PRICKLE2: variants seen among roughly 807,000 people sequenced by gnomAD.
The protein encoded by PRICKLE2 is prickle planar cell polarity protein 2.
PRICKLE2 carries 21 observed loss-of-function variants against 81.4 expected under a neutral mutation model. That is an observed-to-expected ratio of 0.26 (90% CI 0.18 to 0.37). PRICKLE2 has a LOEUF of 0.37. PRICKLE2 is among the 10% of genes least tolerant of loss of function. The pLI, the probability that PRICKLE2 is intolerant of heterozygous loss-of-function variation, is 1.00. For synonymous variants in PRICKLE2, 456 were observed against 421.5 expected (o/e 1.08, Z -1.00); for missense variants, 940 against 1,109.0 (o/e 0.85, Z 2.16).
chr3:64,157,374 C>T lies in PRICKLE2; in HGVS notation c.397-9G>A. ...TTGATCTGGCCTCCGCACTGTGAGG[C>T]AAACAGAAACATCAGTAGTCACACT... On this transcript the variant is annotated splice_polypyrimidine_tract_variant and intron_variant, in intron 4 of 7. Coordinates refer to ENST00000638394, the MANE Select transcript of PRICKLE2 (RefSeq NM_198859.4). 1 of 1,612,302 alleles carries T rather than the reference C, an allele frequency of 6.2e-7. No homozygotes were observed. The highest frequency in any genetic ancestry group is 1.3e-5 in the African/African-American group (1 of 74,994).
chr3:64,123,881 A>G (rs1005606526), intron 7 of PRICKLE2, among the ~76,000 whole-genome samples: 3 of 152,134 alleles, frequency 2.0e-5, no homozygotes, highest in Non-Finnish European at 2.9e-5. Flanking sequence ...AATTAGGCCA[A>G]TTAATAACCG....
At chr3:64,145,352 G>T (rs553061585) in intron 7 of PRICKLE2, 1 of 144,272 alleles carries the variant, frequency 6.9e-6, no homozygotes, top group Admixed American at 7.0e-5. Context: ...TATTATATAT[G>T]ATATATATAT....
intron 7 of PRICKLE2, among the ~76,000 whole-genome samples, chr3:64,119,564 C>G (rs577799601): frequency 1.3e-5 from 2 of 152,086 alleles, no homozygotes; most frequent in Non-Finnish European, 2.9e-5. Context: ...ACAACAGATG[C>G]TGGTGAGGCT....
chr3:64,110,068 T>G (rs2076818663), intron 7 of PRICKLE2, among the ~76,000 whole-genome samples: 1 of 152,232 alleles, frequency 6.6e-6, no homozygotes, highest in South Asian at 2.1e-4. Flanking sequence ...CAGAATCATG[T>G]GGAGTCAGTT....
At chr3:64,224,253 T>C (rs1371679827) in intron 1 of PRICKLE2, among the ~76,000 whole-genome samples, 1 of 152,202 alleles carries the variant, frequency 6.6e-6, no homozygotes, top group Non-Finnish European at 1.5e-5. Flanking sequence ...ATTAAAAATC[T>C]GTATTTCATT....
At chr3:64,167,459 G>A (rs1051333731) in intron 2 of PRICKLE2, among the ~76,000 whole-genome samples, 2 of 152,162 alleles carry the variant, frequency 1.3e-5, no homozygotes, top group Admixed American at 1.3e-4. Flanking sequence ...ACTGGCTTAT[G>A]AAAATGAAAT....
chr3:64,100,316 T>A (rs989785204), intron 7 of PRICKLE2: 1 of 191,736 alleles, frequency 5.2e-6, no homozygotes, highest in Non-Finnish European at 1.1e-5. Context: ...GACAGATATT[T>A]TGGATGAGCA....
intron 2 of PRICKLE2, among the ~76,000 whole-genome samples, chr3:64,261,781 C>T (rs777801077): frequency 2.0e-4 from 30 of 152,040 alleles, no homozygotes; most frequent in Admixed American, 3.9e-4. Flanking sequence ...GAGGTAGGCA[C>T]GGGCTAGAAC....
At chr3:64,249,667 G>C (rs1007758264) in intron 2 of PRICKLE2, among the ~76,000 whole-genome samples, 3 of 152,140 alleles carry the variant, frequency 2.0e-5, no homozygotes, top group African/African-American at 7.2e-5. Flanking sequence ...CTGGTCATCT[G>C]TTCTATTCTA....
intron 7 of PRICKLE2, among the ~76,000 whole-genome samples, chr3:64,107,524 C>G (rs2076775449): frequency 6.6e-6 from 1 of 152,112 alleles, no homozygotes. Context: ...CACCAGAAGA[C>G]AGAGAGCTGT....
chr3:64,239,952 CAAAAAAAAAA>C (rs57932723), intron 2 of PRICKLE2, among the ~76,000 whole-genome samples: 2 of 32,240 alleles, frequency 6.2e-5, no homozygotes, highest in Non-Finnish European at 1.2e-4. Flanking sequence ...CCATCGCTAC[CAAAAAAAAAA>C]AAAAAAAAAA....
intron 1 of PRICKLE2, among the ~76,000 whole-genome samples, chr3:64,210,516 ACTCC>A (rs1296299601): frequency 2.0e-5 from 3 of 151,720 alleles, no homozygotes; most frequent in Non-Finnish European, 2.9e-5. Flanking sequence ...GTCCTATCCA[ACTCC>A]CTCCCTTCCG....
At chr3:64,141,870 T>C (rs1313915336) in intron 7 of PRICKLE2, 13 of 984,898 alleles carry the variant, frequency 1.3e-5, no homozygotes, top group Non-Finnish European at 1.6e-5. Flanking sequence ...GAATCCATCA[T>C]CTTGAAATCT....
At chr3:64,150,644 T>C (rs2077529938) in intron 6 of PRICKLE2, among the ~76,000 whole-genome samples, 1 of 152,094 alleles carries the variant, frequency 6.6e-6, no homozygotes, top group African/African-American at 2.4e-5. Context: ...CAGCACAGCA[T>C]CCAGAGCAGC....
At chr3:64,265,402 C>G (rs1271038499) in intron 2 of PRICKLE2, among the ~76,000 whole-genome samples, 1 of 152,176 alleles carries the variant, frequency 6.6e-6, no homozygotes, top group Admixed American at 6.5e-5. Context: ...TCATTGACAT[C>G]AGAATATCGC....
chr3:64,130,869 C>T (rs182062633), intron 7 of PRICKLE2, among the ~76,000 whole-genome samples: 104 of 152,300 alleles, frequency 6.8e-4, no homozygotes, highest in African/African-American at 2.3e-3. Context: ...CCAAAGTTGA[C>T]AACCAGTGCC....
At chr3:64,236,468 A>G (rs1330194761) in intron 2 of PRICKLE2, among the ~76,000 whole-genome samples, 1 of 152,234 alleles carries the variant, frequency 6.6e-6, no homozygotes, top group African/African-American at 2.4e-5. Context: ...GGACACTGTC[A>G]CATCTGTGAA....
chr3:64,200,903 CTG>C (rs2078562684), intron 1 of PRICKLE2: 1 of 152,076 alleles, frequency 6.6e-6, no homozygotes, highest in African/African-American at 2.4e-5. Flanking sequence ...GCATGAGCCA[CTG>C]CCCTCAGTCG....
chr3:64,180,859 C>T (rs2107080233), intron 2 of PRICKLE2, among the ~76,000 whole-genome samples: 1 of 152,256 alleles, frequency 6.6e-6, no homozygotes, highest in East Asian at 1.9e-4. Context: ...GTGTTGGGAA[C>T]AAATGTTTTT....
Sources: gnomAD v4.1 joint callset for allele counts (sites outside exome capture counted in the v4.1 genomes callset) on GRCh38, gnomAD v4.1.1 for gene constraint, MANE v1.5 for transcripts, NCBI Gene and HGNC (gene_info 2026-07-23, HGNC 2026-07-21) for gene names.